UGT1A5: variants seen among roughly 807,000 people sequenced by gnomAD.
UGT1A5 encodes the protein UDP-glucuronosyltransferase 1A5.
In UGT1A5, 29 loss-of-function variants were observed where a neutral mutation model predicts 40.3. The observed-to-expected ratio is 0.72, with a 90% confidence interval of 0.54 to 0.98. The LOEUF is 0.98. Among genes scored for constraint, UGT1A5 ranks in the 50% least tolerant of loss-of-function variants. The probability of loss-of-function intolerance (pLI) is 0.00; values close to 1 mark genes in which losing one functional copy is unlikely to be tolerated. For synonymous variants in UGT1A5, 257 were observed against 262.5 expected, an observed-to-expected ratio of 0.98 and a Z score of 0.20; for missense variants, 678 against 677.9, an observed-to-expected ratio of 1.00 and a Z score of 0.00.
rs917335869 is a variant in UGT1A5, at chr2:233,769,898, A to C, written c.1307+1459A>C. 2.9e-6 allele frequency: 1 copy of C among 349,938 alleles called. No individual in the cohort carries two copies. Among genetic ancestry groups the C allele is most frequent in the Non-Finnish European group, 5.1e-6 (1 of 194,280 alleles). The allele number at this position is 349,938 out of a possible 1,614,324, so 21.7% of individuals were successfully genotyped here. Reference sequence around the variant, plus strand: ...AATGAAAAGTCCACATAACCTGAGCATCATGTGCCCAGAGCGTTGGGTGGT... The same window carrying C: ...AATGAAAAGTCCACATAACCTGAGCCTCATGTGCCCAGAGCGTTGGGTGGT... On this transcript the variant is annotated intron_variant, in intron 4 of 4. Transcript: ENST00000373414. The surrounding 1 kb of genome is among the most constrained non-coding windows in gnomAD (Gnocchi z 4.4).
intron 1 of UGT1A5, chr2:233,743,270 C>T (rs538069492): frequency 2.1e-6 from 1 of 467,964 alleles, no homozygotes; most frequent in East Asian, 7.0e-5. Context: ...TCCTCCACTT[C>T]CACCCTTTCT....
intron 1 of UGT1A5, among the ~76,000 whole-genome samples, chr2:233,744,210 A>G (rs564002534): frequency 6.6e-6 from 1 of 151,916 alleles, no homozygotes; most frequent in South Asian, 2.1e-4. Flanking sequence ...TGGGAAAAAG[A>G]GGTTGGGGAA....
At chr2:233,728,977 G>C (rs1437469513) in intron 1 of UGT1A5, 13 of 1,494,456 alleles carry the variant, frequency 8.7e-6, no homozygotes, top group Admixed American at 2.1e-5. Flanking sequence ...ATAGATTAAT[G>C]GTTAATAATT....
chr2:233,750,847 G>C (rs534611009), intron 1 of UGT1A5: 1 of 152,014 alleles, frequency 6.6e-6, no homozygotes, highest in African/African-American at 2.4e-5. Flanking sequence ...GGAAATGCTT[G>C]GATGTCCAGG....
rs187561805 is a variant in UGT1A5 at position 233,713,630 on chromosome 2, C to T, written c.639C>T (p.Asn213=). ...TGACATTCCTGCAAAGGGTCAAGAA[C>T]ATGCTCTACCCTCTGGCCCTGTCCT... is the stretch of plus-strand genomic sequence containing the variant. ...DHMTFLQRVK[N]MLYPLALSYL... The change falls in exon 1 of 5, where the codon AAC becomes AAT. Residue 213 remains asparagine, a synonymous_variant. Transcript: ENST00000373414. The T allele has an allele frequency of 4.3e-6, 7 of 1,613,980 alleles. No individual in the cohort carries two copies. The African/African-American group carries it at 6.7e-5, about 15-fold the overall frequency.
At chr2:233,764,440 T>C (rs763083993) in intron 1 of UGT1A5, among the ~76,000 whole-genome samples, 3 of 152,220 alleles carry the variant, frequency 2.0e-5, no homozygotes, top group Non-Finnish European at 2.9e-5. Context: ...TGAACTTTTG[T>C]GCCATTTAAA....
At chr2:233,747,700 A>T (rs538337941) in intron 1 of UGT1A5, 1 of 1,612,078 alleles carries the variant, frequency 6.2e-7, no homozygotes, top group African/African-American at 1.3e-5. Context: ...GTGCTGGCTA[A>T]GTACCTATCA....
At chr2:233,714,756 T>TA (rs1222737910) in intron 1 of UGT1A5, among the ~76,000 whole-genome samples, 1 of 152,230 alleles carries the variant, frequency 6.6e-6, no homozygotes, top group Non-Finnish European at 1.5e-5. Flanking sequence ...ATTTGACACT[T>TA]ACAGTATATC....
chr2:233,717,741 G>A (rs1450778461), intron 1 of UGT1A5: 3 of 456,402 alleles, frequency 6.6e-6, no homozygotes, highest in African/African-American at 6.0e-5. Flanking sequence ...TGAGTGCTCA[G>A]GGTCTCCCCC....
chr2:233,768,579 C>G (rs1408640204), intron 4 of UGT1A5, 140 bp downstream of exon 4: 7 of 934,896 alleles, frequency 7.5e-6, no homozygotes, highest in Non-Finnish European at 8.5e-6. Flanking sequence ...ATTTTTATTT[C>G]TTCTTTTTTT....
At chr2:233,730,117 G>A (rs1389135246) in intron 1 of UGT1A5, 17 of 1,556,656 alleles carry the variant, frequency 1.1e-5, no homozygotes, top group Non-Finnish European at 1.5e-5. Context: ...GCTTCTCCTT[G>A]TCATAATAGC....
chr2:233,729,981 G>A (rs747249815), intron 1 of UGT1A5: 1 of 1,614,052 alleles, frequency 6.2e-7, no homozygotes, highest in Non-Finnish European at 8.5e-7. Flanking sequence ...CCAACAGGAA[G>A]CCACTATCTC....
chr2:233,762,689 A>G (rs1362623162), intron 1 of UGT1A5, among the ~76,000 whole-genome samples: 1 of 148,448 alleles, frequency 6.7e-6, no homozygotes, highest in Non-Finnish European at 1.5e-5. Context: ...TTTCTTTCTC[A>G]TTCATCTTTT....
chr2:233,743,711 C>T (rs765415857), intron 1 of UGT1A5: 10 of 1,367,266 alleles, frequency 7.3e-6, no homozygotes, highest in Non-Finnish European at 9.8e-6. Context: ...CCCCGCCTCG[C>T]CATAGCGGTC....
chr2:233,739,695 T>C (rs1691176781), intron 1 of UGT1A5, among the ~76,000 whole-genome samples: 1 of 152,230 alleles, frequency 6.6e-6, no homozygotes, highest in African/African-American at 2.4e-5. Flanking sequence ...TTTTTGATTT[T>C]ACAGGCTCAT....
At chr2:233,767,255 G>C in intron 2 of UGT1A5, 90 bp downstream of exon 2, 1 of 1,596,760 alleles carries the variant, frequency 6.3e-7, no homozygotes, top group Non-Finnish European at 8.5e-7. Flanking sequence ...CTCTTAATTG[G>C]AACCTTAGAT....
intron 1 of UGT1A5, among the ~76,000 whole-genome samples, chr2:233,761,962 G>T (rs1257423083): frequency 6.6e-6 from 1 of 152,228 alleles, no homozygotes; most frequent in Non-Finnish European, 1.5e-5. Context: ...CCATTAAGGG[G>T]ACTGATATCA....
intron 1 of UGT1A5, chr2:233,719,135 T>A (rs1671719594): frequency 2.5e-6 from 4 of 1,614,272 alleles, no homozygotes; most frequent in Non-Finnish European, 3.4e-6. Context: ...AAACAGAACA[T>A]CTTCTGAAGA....
Position 233,767,155 on chromosome 2 carries a change from T to C in UGT1A5, c.989T>C (p.Ile330Thr), listed in dbSNP as rs202035422. The change falls in exon 2 of 5, where the codon ATC (isoleucine) becomes ACC (threonine). Residue 330 changes from isoleucine (I) to threonine (T), a missense_variant. Ile to Thr is a moderately conservative substitution (Grantham distance 89). Transcript: ENST00000373414. The stretch of plus-strand genomic sequence containing the variant: ...GCAATTGCTGATGCTTTGGGCAAAA[T>C]CCCTCAGACAGTAAGAAGATTCTAT... ...AMAIADALGK[I>T]PQTVLWRYTG... 6.2e-7 allele frequency: 1 copy of C among 1,614,056 alleles called. No homozygotes were observed. Among genetic ancestry groups the C allele is most frequent in the Non-Finnish European group, 8.5e-7 (1 of 1,179,996 alleles).
Sources: gnomAD v4.1 joint callset for allele counts (sites outside exome capture counted in the v4.1 genomes callset) on GRCh38, gnomAD v4.1.1 for gene constraint, Gnocchi (gnomAD v3.1) non-coding constraint, MANE v1.5 for transcripts, NCBI Gene and HGNC (gene_info 2026-07-23, HGNC 2026-07-21) for gene names.